Variants in ZNF143 observed in about 807,000 individuals in gnomAD.
The protein encoded by ZNF143 is SPH-binding factor.
ZNF143 carries 49 observed loss-of-function variants against 74.1 expected under a neutral mutation model. That is an observed-to-expected ratio of 0.66 (90% CI 0.53 to 0.84). The LOEUF (loss-of-function observed/expected upper bound fraction) is 0.84, where lower values mean the gene tolerates loss of function less well. Among genes scored for constraint, ZNF143 ranks in the 40% least tolerant of loss-of-function variants. The pLI, the probability that ZNF143 is intolerant of heterozygous loss-of-function variation, is 0.00. For missense variants in ZNF143, 637 were observed against 793.4 expected (o/e 0.80, Z 2.37); for synonymous variants, 304 against 282.8 (o/e 1.07, Z -0.75).
chr11:9,461,207 C>A, intron 1 of ZNF143, 131 bp downstream of exon 1: 1 of 492,164 alleles, frequency 2.0e-6, no homozygotes, highest in Non-Finnish European at 2.6e-6. Flanking sequence ...GCAGGCCTTG[C>A]CGATTTTATG....
chr11:9,518,632 G>A (rs995458938), intron 14 of ZNF143, among the ~76,000 whole-genome samples: 12 of 151,616 alleles, frequency 7.9e-5, no homozygotes, highest in Non-Finnish European at 2.9e-5. Flanking sequence ...CAGGAGAATC[G>A]CTTGAACCCA....
intron 5 of ZNF143, among the ~76,000 whole-genome samples, 154 bp from the exon 6 acceptor site, chr11:9,478,236 A>T (rs1590528297): frequency 6.6e-6 from 1 of 152,354 alleles, no homozygotes; most frequent in East Asian, 1.9e-4. Flanking sequence ...TTGCAGAATT[A>T]TTGTGAGGAT....
At chr11:9,488,292 G>A (rs1240569686) in intron 7 of ZNF143, among the ~76,000 whole-genome samples, 1 of 152,162 alleles carries the variant, frequency 6.6e-6, no homozygotes, top group Non-Finnish European at 1.5e-5. Context: ...AAACACAGAG[G>A]TGATCTTGGC....
intron 12 of ZNF143, 113 bp downstream of exon 12, chr11:9,508,959 C>A: frequency 9.0e-7 from 1 of 1,109,844 alleles, no homozygotes; most frequent in Non-Finnish European, 1.3e-6. Context: ...CGTATAATCA[C>A]ATAAACATAA....
chr11:9,502,342 G>A (rs1483779527), intron 11 of ZNF143, among the ~76,000 whole-genome samples: 1 of 143,498 alleles, frequency 7.0e-6, no homozygotes. Flanking sequence ...GGGCGCGGTG[G>A]CTCACGCCTG....
intron 10 of ZNF143, 28 bp downstream of exon 10, chr11:9,497,828 CTTTTTTTTTT>C (rs536473555): frequency 1.9e-6 from 2 of 1,046,500 alleles, no homozygotes; most frequent in East Asian, 4.7e-5. Context: ...GTGTCAAAAT[CTTTTTTTTTT>C]TTTTTTTTTT....
chr11:9,461,109 C>A, intron 1 of ZNF143, 33 bp downstream of exon 1: 1 of 984,136 alleles, frequency 1.0e-6, no homozygotes, highest in Non-Finnish European at 1.2e-6. Context: ...ACCCAGTGTG[C>A]ATTATTCTCC....
At chr11:9,510,044 C>T (rs1589932901) in intron 12 of ZNF143, among the ~76,000 whole-genome samples, 1 of 151,872 alleles carries the variant, frequency 6.6e-6, no homozygotes, top group African/African-American at 2.4e-5. Flanking sequence ...CTTAAGTTTG[C>T]AAGACTCTTT....
At chr11:9,524,057 A>G (rs1208407649) in intron 14 of ZNF143, among the ~76,000 whole-genome samples, 1 of 151,738 alleles carries the variant, frequency 6.6e-6, no homozygotes, top group Non-Finnish European at 1.5e-5. Flanking sequence ...AAAAAAAAAA[A>G]AAAAAAAAGG....
At chr11:9,502,053 C>T (rs1480505359) in intron 11 of ZNF143, among the ~76,000 whole-genome samples, 28 of 144,066 alleles carry the variant, frequency 1.9e-4, no homozygotes, top group African/African-American at 6.1e-4. Context: ...TCTCCCACCT[C>T]AGCCTCCCTA....
intron 14 of ZNF143, among the ~76,000 whole-genome samples, chr11:9,517,127 T>C (rs796180851): frequency 3.9e-5 from 6 of 152,254 alleles, no homozygotes; most frequent in African/African-American, 1.4e-4. Flanking sequence ...GGTCTCACTA[T>C]GTTGCCCAGG....
chr11:9,463,436 A>G (rs1289768965), intron 1 of ZNF143, among the ~76,000 whole-genome samples: 3 of 152,116 alleles, frequency 2.0e-5, no homozygotes, highest in Non-Finnish European at 4.4e-5. Context: ...ATCCTTACCA[A>G]CACTTGTTAT....
chr11:9,525,584 A>G (rs1320406384), intron 15 of ZNF143, 198 bp downstream of exon 15: 2 of 681,970 alleles, frequency 2.9e-6, no homozygotes, highest in African/African-American at 3.6e-5. Flanking sequence ...CCATCTTTGC[A>G]TATTCTAGGG....
chr11:9,473,361 G>A (rs1856697743), intron 3 of ZNF143, among the ~76,000 whole-genome samples: 1 of 149,958 alleles, frequency 6.7e-6, no homozygotes, highest in Non-Finnish European at 1.5e-5. Context: ...ATTGCACTCC[G>A]GCCTGGGCAA....
At chr11:9,492,105 ATTTTTTTTTTT>A (rs34432476) in intron 7 of ZNF143, among the ~76,000 whole-genome samples, 1 of 100,240 alleles carries the variant, frequency 1.0e-5, no homozygotes, top group Non-Finnish European at 1.9e-5. Flanking sequence ...CACCTGGCTA[ATTTTTTTTTTT>A]TTTTTTTTTT....
At position 9,486,420 on chromosome 11, in the gene ZNF143, T is replaced by TTA. The variant is rs1554964454; in HGVS notation, c.645+6882_645+6883dup. ...TAATATATTATATATATAATATATA[T>TTA]TATATATATTATATATATAATATAT... On this transcript the variant is annotated intron_variant, in intron 7 of 15. Transcript: ENST00000396602. Among the ~76,000 whole-genome samples the TTA allele has an allele frequency of 9.0e-4, 28 of 31,004 alleles. 1 individual carries two copies. The highest frequency in any genetic ancestry group is 1.5e-3 in the Non-Finnish European group (23 of 15,670). 20.3% of individuals were successfully genotyped at this position (31,004 alleles called of 152,430 possible). A position where few individuals can be genotyped will look rare whatever the true frequency, so the allele number is the denominator to read the frequency against.
rs1373373871 is a variant in ZNF143, at chr11:9,486,369, A to AT, written c.645+6824dup. Among the ~76,000 whole-genome samples the AT allele has an allele frequency of 1.0e-3, 43 of 42,224 alleles. 3 individuals carry two copies. The highest frequency in any genetic ancestry group is 4.4e-3 in the African/African-American group (42 of 9,448). 27.7% of individuals were successfully genotyped at this position (42,224 alleles called of 152,430 possible). On this transcript the variant is annotated intron_variant, in intron 7 of 15. Transcript: ENST00000396602. ...TATATATATTATATATATATTATAT[A>AT]TAATATATTATATATATAATATATA...
At chr11:9,478,693 T>A in intron 6 of ZNF143, 107 bp downstream of exon 6, 1 of 1,364,504 alleles carries the variant, frequency 7.3e-7, no homozygotes, top group Admixed American at 2.3e-5. Flanking sequence ...ACCTGGCCAA[T>A]TTTGGCTGGG....
intron 8 of ZNF143, 65 bp from the exon 9 acceptor site, chr11:9,496,238 T>C: frequency 6.9e-7 from 1 of 1,439,466 alleles, no homozygotes; most frequent in Non-Finnish European, 9.8e-7. Context: ...AGTAGTTCTG[T>C]GTTGCAACCA....
Sources: gnomAD v4.1 joint callset for allele counts (sites outside exome capture counted in the v4.1 genomes callset) on GRCh38, gnomAD v4.1.1 for gene constraint, MANE v1.5 for transcripts, NCBI Gene and HGNC (gene_info 2026-07-23, HGNC 2026-07-21) for gene names.